DSCAM: variants seen among roughly 807,000 people sequenced by gnomAD.
DSCAM encodes DS cell adhesion molecule.
Under a neutral mutation model 217.7 loss-of-function variants are expected in DSCAM, and 47 were observed. The observed-to-expected ratio is 0.22, with a 90% CI of 0.17 to 0.28. The LOEUF (loss-of-function observed/expected upper bound fraction) is 0.28, where lower values mean the gene tolerates loss of function less well. Among genes scored for constraint, DSCAM ranks in the 10% least tolerant of loss-of-function variants. The probability of loss-of-function intolerance (pLI) is 1.00; values close to 1 mark genes in which losing one functional copy is unlikely to be tolerated. For synonymous variants in DSCAM, 1,056 were observed against 1,015.3 expected, an observed-to-expected ratio of 1.04 and a Z score of -0.76; for missense variants, 2,080 against 2,618.3, an observed-to-expected ratio of 0.79 and a Z score of 4.49.
At chr21:40,395,737 T>C (rs1368720313) in intron 3 of DSCAM, among the ~76,000 whole-genome samples, 1 of 152,226 alleles carries the variant, frequency 6.6e-6, no homozygotes, top group Non-Finnish European at 1.5e-5. Context: ...ACAAAGTCTA[T>C]TAAAGATTTT....
At chr21:40,175,770 AACACACACATACACAC>A (rs1445365605) in intron 15 of DSCAM, among the ~76,000 whole-genome samples, 2 of 126,354 alleles carry the variant, frequency 1.6e-5, no homozygotes, top group African/African-American at 6.3e-5. Context: ...ATATTTTCTC[AACACACACATACACAC>A]ACACACACAC....
intron 1 of DSCAM, among the ~76,000 whole-genome samples, chr21:40,772,562 G>T (rs558478303): frequency 6.6e-6 from 1 of 152,326 alleles, no homozygotes; most frequent in South Asian, 2.1e-4. Context: ...TCTGCATAGA[G>T]CTCAGGCAGT....
intron 1 of DSCAM, among the ~76,000 whole-genome samples, chr21:40,709,103 T>C (rs540582812): frequency 3.9e-4 from 59 of 152,294 alleles, no homozygotes; most frequent in African/African-American, 1.4e-3. Flanking sequence ...TATTCACTTA[T>C]TGTCTATCTT....
intron 1 of DSCAM, among the ~76,000 whole-genome samples, chr21:40,808,521 T>C (rs1353009743): frequency 6.7e-6 from 1 of 150,002 alleles, no homozygotes; most frequent in African/African-American, 2.5e-5. Context: ...TGACCCAGGC[T>C]GCAGTGCAGT....
At chr21:40,111,806 A>G (rs1160318195) in intron 20 of DSCAM, among the ~76,000 whole-genome samples, 1 of 152,062 alleles carries the variant, frequency 6.6e-6, no homozygotes, top group Non-Finnish European at 1.5e-5. Context: ...ACAAAGATCA[A>G]AAGAGACAAA....
At chr21:40,729,401 A>AT (rs1236678589) in intron 1 of DSCAM, among the ~76,000 whole-genome samples, 1 of 152,226 alleles carries the variant, frequency 6.6e-6, no homozygotes, top group Non-Finnish European at 1.5e-5. Flanking sequence ...TTAAAGGTCC[A>AT]AATCCCCACT....
intron 32 of DSCAM, among the ~76,000 whole-genome samples, chr21:40,027,328 C>A (rs2088411219): frequency 6.6e-6 from 1 of 152,234 alleles, no homozygotes; most frequent in Non-Finnish European, 1.5e-5. Flanking sequence ...TTCATTTCAA[C>A]TTTGGTGAAT....
chr21:40,369,397 TG>T, intron 3 of DSCAM, 152 bp from the exon 4 acceptor site: 1 of 553,538 alleles, frequency 1.8e-6, no homozygotes. Context: ...TGTGTGTGTG[TG>T]TGTGTGTGTG....
intron 3 of DSCAM, among the ~76,000 whole-genome samples, chr21:40,598,093 C>G (rs549003291): frequency 8.5e-5 from 13 of 152,178 alleles, no homozygotes; most frequent in Non-Finnish European, 1.3e-4. Context: ...TGGGGTTTGT[C>G]CTGTTCATCT....
At chr21:40,695,111 G>A (rs1335375676) in intron 2 of DSCAM, among the ~76,000 whole-genome samples, 1 of 152,130 alleles carries the variant, frequency 6.6e-6, no homozygotes, top group Non-Finnish European at 1.5e-5. Flanking sequence ...ACCTTCCGCA[G>A]ACTCTGCTTC....
At chr21:40,379,695 T>C (rs77767874) in intron 3 of DSCAM, among the ~76,000 whole-genome samples, 6,435 of 152,302 alleles carry the variant, frequency 0.042, 216 homozygotes, top group African/African-American at 0.095. Flanking sequence ...AGGGATCCTC[T>C]TGTTTGCCCC....
At chr21:40,249,083 T>C (rs1601483149) in intron 11 of DSCAM, among the ~76,000 whole-genome samples, 1 of 152,222 alleles carries the variant, frequency 6.6e-6, no homozygotes, top group Admixed American at 6.5e-5. Flanking sequence ...TTCTAGGAGA[T>C]ACAATTCTAG....
chr21:40,283,439 G>A (rs371673743), intron 10 of DSCAM, among the ~76,000 whole-genome samples: 92 of 152,260 alleles, frequency 6.0e-4, no homozygotes, highest in African/African-American at 2.1e-3. Flanking sequence ...TTAATTCTGG[G>A]TCACCTTTCT....
chr21:40,254,358 T>C (rs1178556478), intron 11 of DSCAM, among the ~76,000 whole-genome samples: 1 of 152,170 alleles, frequency 6.6e-6, no homozygotes, highest in Non-Finnish European at 1.5e-5. Flanking sequence ...AGGAAATAAG[T>C]AAAAGCTCAG....
chr21:40,279,389 T>G (rs10854402), intron 10 of DSCAM, among the ~76,000 whole-genome samples: 55,614 of 152,046 alleles, frequency 0.37, 10,389 homozygotes, highest in Admixed American at 0.42. Context: ...CATCATCACT[T>G]GTCATTAGAG....
At chr21:40,691,784 A>G (rs1182419437) in intron 3 of DSCAM, among the ~76,000 whole-genome samples, 1 of 152,228 alleles carries the variant, frequency 6.6e-6, no homozygotes, top group Non-Finnish European at 1.5e-5. Flanking sequence ...AGATTCCTGT[A>G]ATGTGCTATG....
intron 10 of DSCAM, 37 bp from the exon 11 acceptor site, chr21:40,276,307 C>T (rs769059261): frequency 4.2e-5 from 65 of 1,551,724 alleles, no homozygotes; most frequent in Non-Finnish European, 4.9e-5. Flanking sequence ...ATGATGCAAA[C>T]GAGAGTAAGT....
chr21:40,683,457 G>A (rs992005974), intron 3 of DSCAM, among the ~76,000 whole-genome samples: 65 of 151,998 alleles, frequency 4.3e-4, no homozygotes, highest in Non-Finnish European at 5.9e-4. Flanking sequence ...AAGAAGGAAG[G>A]AAGAAAGTAA....
At chr21:40,799,944 T>G (rs902858042) in intron 1 of DSCAM, among the ~76,000 whole-genome samples, 16 of 152,222 alleles carry the variant, frequency 1.1e-4, no homozygotes, top group African/African-American at 3.9e-4. Context: ...TGTTGAAACT[T>G]AATCCCCAAT....
Sources: gnomAD v4.1 joint callset for allele counts (sites outside exome capture counted in the v4.1 genomes callset) on GRCh38, gnomAD v4.1.1 for gene constraint, MANE v1.5 for transcripts, NCBI Gene and HGNC (gene_info 2026-07-23, HGNC 2026-07-21) for gene names.